Variants in YAP1 observed in about 807,000 individuals in gnomAD.
YAP1 encodes the protein Yes1 associated transcriptional regulator, also known as transcriptional coactivator YAP1.
YAP1 carries 5 observed loss-of-function variants against 56.9 expected under a neutral mutation model. That is an observed-to-expected ratio of 0.09 (90% CI 0.05 to 0.18). The LOEUF (loss-of-function observed/expected upper bound fraction) is 0.18. Ranked by LOEUF, YAP1 falls within the 10% of genes least tolerant of loss-of-function variation. The probability of loss-of-function intolerance (pLI) is 1.00; values close to 1 mark genes in which losing one functional copy is unlikely to be tolerated. For missense variants in YAP1, 539 were observed against 651.8 expected (o/e 0.83, Z 1.88); for synonymous variants, 265 against 248.1 (o/e 1.07, Z -0.64).
At chr11:102,200,149 A>T (rs1278198411) in intron 4 of YAP1, among the ~76,000 whole-genome samples, 1 of 152,244 alleles carries the variant, frequency 6.6e-6, no homozygotes, top group Non-Finnish European at 1.5e-5. Context: ...GTACTGCCGT[A>T]CTAGTATAAG....
chr11:102,183,665 C>G (rs1436838645), intron 3 of YAP1, among the ~76,000 whole-genome samples: 1 of 150,826 alleles, frequency 6.6e-6, no homozygotes, highest in Non-Finnish European at 1.5e-5. Context: ...TCTTGTGGCT[C>G]TCATTCAGAC....
At chr11:102,125,357 C>CT (rs111721125) in intron 2 of YAP1, among the ~76,000 whole-genome samples, 7 of 142,278 alleles carry the variant, frequency 4.9e-5, no homozygotes, top group Non-Finnish European at 4.5e-5. Context: ...ATTTCTCATT[C>CT]TTTTTTTTTT....
chr11:102,196,535 G>C (rs752452117), intron 4 of YAP1, among the ~76,000 whole-genome samples: 2 of 152,044 alleles, frequency 1.3e-5, no homozygotes, highest in African/African-American at 2.4e-5. Context: ...GACAGAAGTA[G>C]ATTAGTGGTT....
rs755830057 is a variant in YAP1, at chr11:102,205,947, C to T, written c.857C>T (p.Ala286Val). ...SAPVKQPPPL[A>V]PQSPQGGVMG... ...CCAGTGAAACAGCCACCACCCCTGG[C>T]TCCCCAGAGCCCACAGGGAGGCGTC... The change falls in exon 5 of 9, where the codon GCT (alanine) becomes GTT (valine). Residue 286 changes from alanine (A) to valine (V), a missense_variant. By Grantham distance (64) the Ala-to-Val change is moderately conservative. This residue lies in a region of YAP1 where 414 missense variants were observed against 512.4 expected (regional missense o/e 0.81). Coordinates refer to ENST00000282441, the MANE Select transcript of YAP1 (RefSeq NM_001130145.3). 1.2e-5 allele frequency: 19 copies of T among 1,611,866 alleles called. No individual in the cohort carries two copies. The South Asian group carries it at 2.1e-4, about 18-fold the overall frequency.
chr11:102,218,665 T>A (rs1402058934), intron 6 of YAP1, among the ~76,000 whole-genome samples: 1 of 152,222 alleles, frequency 6.6e-6, no homozygotes, highest in Non-Finnish European at 1.5e-5. Flanking sequence ...GGTTAGTTAC[T>A]GTTAGTCATG....
intron 1 of YAP1, 74 bp from the exon 2 acceptor site, chr11:102,114,070 G>T: frequency 2.0e-6 from 3 of 1,471,406 alleles, no homozygotes; most frequent in Non-Finnish European, 2.7e-6. Context: ...GCAATTAAGC[G>T]CTGACTGGGA....
chr11:102,191,720 G>A (rs1440722456), intron 4 of YAP1, among the ~76,000 whole-genome samples: 1 of 151,576 alleles, frequency 6.6e-6, no homozygotes, highest in Non-Finnish European at 1.5e-5. Context: ...CACTCTCATC[G>A]CCCAGGCTAG....
At chr11:102,143,035 A>G (rs1945108388) in intron 2 of YAP1, among the ~76,000 whole-genome samples, 2 of 152,200 alleles carry the variant, frequency 1.3e-5, no homozygotes, top group Non-Finnish European at 2.9e-5. Flanking sequence ...TGAAGAGATT[A>G]AGTAACTTAA....
intron 2 of YAP1, among the ~76,000 whole-genome samples, chr11:102,149,531 A>G (rs955666052): frequency 1.3e-5 from 2 of 152,210 alleles, no homozygotes; most frequent in Admixed American, 1.3e-4. Flanking sequence ...TGGCCTAGCA[A>G]TTTACATGGA....
At chr11:102,196,254 C>T (rs949590650) in intron 4 of YAP1, among the ~76,000 whole-genome samples, 1 of 152,114 alleles carries the variant, frequency 6.6e-6, no homozygotes, top group Non-Finnish European at 1.5e-5. Context: ...CCACAAAAAC[C>T]TGTACCCAGG....
chr11:102,190,252 A>G (rs905422938), intron 4 of YAP1, among the ~76,000 whole-genome samples: 4 of 152,018 alleles, frequency 2.6e-5, no homozygotes, highest in African/African-American at 7.3e-5. Flanking sequence ...GGCTGTCAGT[A>G]TTTGGTTATG....
At chr11:102,168,224 T>G (rs1051183846) in intron 3 of YAP1, among the ~76,000 whole-genome samples, 1 of 152,142 alleles carries the variant, frequency 6.6e-6, no homozygotes, top group East Asian at 1.9e-4. Context: ...TCTATGTGTA[T>G]GATATATATT....
At chr11:102,115,654 AG>A (rs1286971271) in intron 2 of YAP1, among the ~76,000 whole-genome samples, 1 of 151,980 alleles carries the variant, frequency 6.6e-6, no homozygotes, top group Non-Finnish European at 1.5e-5. Context: ...TCAAAGGATC[AG>A]GTTTCAACCA....
intron 3 of YAP1, 107 bp downstream of exon 3, chr11:102,162,678 T>C (rs1030940534): frequency 2.8e-5 from 29 of 1,053,690 alleles, no homozygotes; most frequent in Non-Finnish European, 4.2e-5. Context: ...GACATGGTGA[T>C]GTTTATTGTC....
At chr11:102,140,935 C>T (rs2135288068) in intron 2 of YAP1, among the ~76,000 whole-genome samples, 1 of 152,118 alleles carries the variant, frequency 6.6e-6, no homozygotes, top group African/African-American at 2.4e-5. Context: ...GCAGTTACAA[C>T]TGAGAGAAAT....
chr11:102,163,972 T>G (rs939958673), intron 3 of YAP1, among the ~76,000 whole-genome samples: 9 of 152,214 alleles, frequency 5.9e-5, no homozygotes, highest in Non-Finnish European at 1.2e-4. Context: ...AAATCTAAAT[T>G]TAACTCATTA....
intron 2 of YAP1, among the ~76,000 whole-genome samples, chr11:102,155,048 C>T (rs560017196): frequency 6.6e-6 from 1 of 152,146 alleles, no homozygotes; most frequent in Admixed American, 6.5e-5. Flanking sequence ...TTATATATCA[C>T]AGCTGCTGAA....
Position 102,172,670 on chromosome 11 carries a change from T to C in YAP1, c.688+10099T>C, listed in dbSNP as rs368788461. ...ACTATGTGCCAGGCATGGTTCTAAG[T>C]TATGAGAACGGATATACAATGAGTC... On this transcript the variant is annotated intron_variant, in intron 3 of 8. Coordinates refer to ENST00000282441, the MANE Select transcript of YAP1 (RefSeq NM_001130145.3). 5.9e-5 allele frequency among the ~76,000 whole-genome samples: 9 copies of C among 152,154 alleles called. No homozygotes were observed. The East Asian group carries it at 9.7e-4, about 16-fold the overall frequency.
At chr11:102,187,962 T>G (rs1948067963) in intron 4 of YAP1, among the ~76,000 whole-genome samples, 1 of 152,224 alleles carries the variant, frequency 6.6e-6, no homozygotes, top group South Asian at 2.1e-4. Context: ...CTTTTTATTT[T>G]GTGGCCCGAC....
Sources: allele counts gnomAD v4.1 joint callset (sites outside exome capture counted in the v4.1 genomes callset), GRCh38; gene constraint gnomAD v4.1.1; regional missense constraint gnomAD v4.1.1; transcripts MANE v1.5; gene names NCBI Gene and HGNC (gene_info 2026-07-23, HGNC 2026-07-21).